The following KDM2A variants were observed in gnomAD, a reference collection of about 807,000 sequenced individuals.
The protein encoded by KDM2A is lysine demethylase 2A.
Under a neutral mutation model 137.3 loss-of-function variants are expected in KDM2A, and 3 were observed. That is an observed-to-expected ratio of 0.02 (90% confidence interval 0.01 to 0.06). The LOEUF is 0.06. KDM2A is among the 10% of genes least tolerant of loss of function. The pLI, the probability that KDM2A is intolerant of heterozygous loss-of-function variation, is 1.00. For synonymous variants in KDM2A, 512 were observed against 541.5 expected (o/e 0.95, Z 0.76); for missense variants, 738 against 1,510.6 (o/e 0.49, Z 8.48).
chr11:67,234,674 G>A (rs1858815408), intron 12 of KDM2A, among the ~76,000 whole-genome samples: 1 of 152,142 alleles, frequency 6.6e-6, no homozygotes, highest in Non-Finnish European at 1.5e-5. Flanking sequence ...GGGCAACGTG[G>A]CGAAACCTCA....
chr11:67,254,794 G>A lies in KDM2A; in HGVS notation c.3308-80G>A. 2.2e-6 allele frequency: 3 copies of A among 1,341,216 alleles called. No homozygotes were observed. The highest frequency in any genetic ancestry group is 3.9e-5 in the Admixed American group (2 of 51,788). 83.1% of individuals were successfully genotyped at this position (1,341,216 alleles called of 1,614,324 possible). A position where few individuals can be genotyped will look rare whatever the true frequency, so the allele number is the denominator to read the frequency against. On this transcript the variant is annotated intron_variant, in intron 20 of 20. Transcript: ENST00000529006. This position sits in a 1 kb window ranked among gnomAD's most constrained non-coding sequence, Gnocchi z 4.7. ...AGGGCTTTTGTTTAGCATTTTGAAG[G>A]AAAGACGGCTACAGGAATTGAATGG...
chr11:67,217,896 G>T lies in KDM2A; in HGVS notation c.841+12G>T. On this transcript the variant is annotated intron_variant, in intron 9 of 20. Transcript: ENST00000529006. ...CGTCATTCCCTCAGGTAAGCAAAAT[G>T]GGAAGAGTGGGTTATTTAGCCATTT... 6.3e-7 allele frequency: 1 copy of T among 1,578,610 alleles called. No homozygotes were observed. Among genetic ancestry groups the T allele is most frequent in the East Asian group, 2.3e-5 (1 of 44,226 alleles).
chr11:67,234,153 C>A (rs1371625480), intron 12 of KDM2A, among the ~76,000 whole-genome samples: 3 of 152,156 alleles, frequency 2.0e-5, no homozygotes. Context: ...TATGCTAAAT[C>A]TCAGAAAAGA....
intron 5 of KDM2A, among the ~76,000 whole-genome samples, chr11:67,183,087 C>A (rs1857126032): frequency 6.6e-6 from 1 of 152,208 alleles, no homozygotes; most frequent in Non-Finnish European, 1.5e-5. Flanking sequence ...GTTCCCAAAT[C>A]TCTGTTTTAT....
In KDM2A at chr11:67,245,267, C is replaced by T; in HGVS notation, c.1642C>T (p.Arg548Trp). Residue 548 changes from arginine (R) to tryptophan (W), a missense_variant, in exon 14 of 21, where the codon CGG (arginine) becomes TGG (tryptophan). Arg to Trp is a moderately radical substitution (Grantham distance 101). This residue lies in a region of KDM2A where 71 missense variants were observed against 147.9 expected (regional missense o/e 0.48). Transcript: ENST00000529006. This position sits in a 1 kb window ranked among gnomAD's most constrained non-coding sequence, Gnocchi z 4.1. ...GCCTCACACTATGAAACCAGCTCCA[C>T]GGTTAACACCTGTGAGGCCAGCTGC... ...TKPHTMKPAP[R>W]LTPVRPAAAS... 6.2e-7 allele frequency: 1 copy of T among 1,614,044 alleles called. No individual in the cohort carries two copies. The highest frequency in any genetic ancestry group is 8.5e-7 in the Non-Finnish European group (1 of 1,179,886).
chr11:67,190,891 G>A (rs1038871641), intron 5 of KDM2A, among the ~76,000 whole-genome samples: 2 of 152,126 alleles, frequency 1.3e-5, no homozygotes, highest in Non-Finnish European at 2.9e-5. Context: ...GAACTATATT[G>A]TAGTTAGTGA....
Position 67,255,474 on chromosome 11 carries a change from T to C in KDM2A, c.*419T>C, listed in dbSNP as rs996976271. 4 of 458,898 alleles carry C rather than the reference T, an allele frequency of 8.7e-6. No individual in the cohort carries two copies. The highest frequency in any genetic ancestry group is 1.7e-5 in the Non-Finnish European group (4 of 228,612). 28.4% of individuals were successfully genotyped at this position (458,898 alleles called of 1,614,324 possible). ...AGGGAAGAAAACGGCCCTGTCTCCA[T>C]GGCCAGGTTCTTGTGGTGTCCAGTG... On this transcript the variant is annotated 3_prime_UTR_variant, in exon 21 of 21. Coordinates refer to ENST00000529006, the MANE Select transcript of KDM2A (RefSeq NM_012308.3).
intron 5 of KDM2A, among the ~76,000 whole-genome samples, chr11:67,194,833 A>G (rs1296950132): frequency 6.6e-6 from 1 of 152,154 alleles, no homozygotes; most frequent in Non-Finnish European, 1.5e-5. Context: ...GGAGGATCCT[A>G]TTTGTGTATC....
chr11:67,210,652 G>A (rs979757750), intron 6 of KDM2A, among the ~76,000 whole-genome samples: 1 of 152,110 alleles, frequency 6.6e-6, no homozygotes, highest in Non-Finnish European at 1.5e-5. Context: ...AATATCTTAC[G>A]GGGACCTAAA....
At chr11:67,242,278 ATGTGTGTGTG>A (rs35881675) in intron 12 of KDM2A, among the ~76,000 whole-genome samples, 1 of 148,090 alleles carries the variant, frequency 6.8e-6, no homozygotes, top group African/African-American at 2.5e-5. Flanking sequence ...GGGTGTGTGT[ATGTGTGTGTG>A]TGTGTGTGTG....
intron 2 of KDM2A, among the ~76,000 whole-genome samples, chr11:67,141,645 C>T (rs964034597): frequency 4.3e-5 from 5 of 115,470 alleles, no homozygotes; most frequent in Non-Finnish European, 4.9e-5. Flanking sequence ...CCAGCCTGGG[C>T]GACAGAATGA....
In KDM2A at chr11:67,253,637, T is replaced by A. The variant is rs199511730; in HGVS notation, c.3091+26T>A. On this transcript the variant is annotated intron_variant, in intron 19 of 20. Transcript: ENST00000529006. ...GTATGCTCTGGACCTGACTTCTCTG[T>A]GCTTGTCTTGGGGTAGCTTTGTCTT... The A allele has an allele frequency of 1.1e-4, 174 of 1,610,482 alleles. No homozygotes were observed. The Admixed American group carries it at 2.9e-3, about 27-fold the overall frequency.
rs184237425 is a variant in KDM2A, at chr11:67,125,745, C to T, written c.42+4387C>T. The stretch of plus-strand genomic sequence containing the variant: ...ACTAAGCAGAGATTGCGCCACTGCA[C>T]TCCAGCCTGGGCGACAGAGTGAGAC... On this transcript the variant is annotated intron_variant, in intron 2 of 20. Transcript: ENST00000529006. Among the ~76,000 whole-genome samples the T allele has an allele frequency of 3.3e-5, 5 of 149,342 alleles. No individual in the cohort carries two copies. The Admixed American group carries it at 3.3e-4, about 10-fold the overall frequency.
rs1445321781 is a variant in KDM2A at position 67,246,061 on chromosome 11, A to G, written c.1910A>G (p.Lys637Arg). The part of the protein sequence containing the change: ...DQNEETQDFE[K>R]KLMECCICNE... The stretch of plus-strand genomic sequence containing the variant: ...AATGAAGAGACACAAGACTTTGAGA[A>G]GAAACTCATGGAATGCTGTATCTGC... Residue 637 changes from lysine to arginine, a missense_variant, in exon 15 of 21, where the codon AAG (lysine) becomes AGG (arginine). Coordinates refer to ENST00000529006, the MANE Select transcript of KDM2A (RefSeq NM_012308.3). The G allele has an allele frequency of 1.2e-6, 2 of 1,614,052 alleles. No individual in the cohort carries two copies. Among genetic ancestry groups the G allele is most frequent in the Non-Finnish European group, 1.7e-6 (2 of 1,179,886 alleles).
At chr11:67,159,133 G>T (rs1856582648) in intron 2 of KDM2A, among the ~76,000 whole-genome samples, 1 of 152,084 alleles carries the variant, frequency 6.6e-6, no homozygotes, top group Non-Finnish European at 1.5e-5. Context: ...TCTTTTAGAA[G>T]TTTTATAGTT....
At chr11:67,125,155 C>G (rs1186841826) in intron 2 of KDM2A, among the ~76,000 whole-genome samples, 1 of 151,594 alleles carries the variant, frequency 6.6e-6, no homozygotes, top group Admixed American at 6.6e-5. Flanking sequence ...GCCACCGCAC[C>G]CAGCCTGGAG....
intron 2 of KDM2A, among the ~76,000 whole-genome samples, chr11:67,152,225 A>T (rs1856408035): frequency 6.6e-6 from 1 of 151,854 alleles, no homozygotes; most frequent in African/African-American, 2.4e-5. Flanking sequence ...AGGTGGGAGG[A>T]TCACTTGAGC....
chr11:67,200,419 A>G (rs997658126), intron 5 of KDM2A, among the ~76,000 whole-genome samples: 11 of 152,136 alleles, frequency 7.2e-5, no homozygotes, highest in Admixed American at 5.9e-4. Context: ...GGGTTTCACC[A>G]TGTTAGCCAG....
intron 16 of KDM2A, among the ~76,000 whole-genome samples, chr11:67,249,312 A>G (rs11227752): frequency 6.6e-6 from 1 of 152,208 alleles, no homozygotes; most frequent in Non-Finnish European, 1.5e-5. Flanking sequence ...CTTCTAATAC[A>G]TTGGAAAAGG....
Sources: gnomAD v4.1 joint callset for allele counts (sites outside exome capture counted in the v4.1 genomes callset) on GRCh38, gnomAD v4.1.1 for gene constraint, gnomAD v4.1.1 regional missense constraint, Gnocchi (gnomAD v3.1) non-coding constraint, MANE v1.5 for transcripts, NCBI Gene and HGNC (gene_info 2026-07-23, HGNC 2026-07-21) for gene names.